Variants in SERGEF observed in about 807,000 individuals in gnomAD.
SERGEF encodes the protein secretion-regulating guanine nucleotide exchange factor.
In SERGEF, 51 loss-of-function variants were observed where a neutral mutation model predicts 50.0. The observed-to-expected ratio is 1.02, with a 90% CI of 0.81 to 1.29. The LOEUF (loss-of-function observed/expected upper bound fraction) is 1.29. Ranked by LOEUF, SERGEF falls within the 50% of genes most tolerant of loss-of-function variation. SERGEF has a pLI of 0.00. For synonymous variants in SERGEF, 205 were observed against 212.4 expected (o/e 0.97, Z 0.30); for missense variants, 521 against 557.0 (o/e 0.94, Z 0.65).
At chr11:18,012,644 T>G in intron 1 of SERGEF, 1 of 1,180,288 alleles carries the variant, frequency 8.5e-7, no homozygotes, top group South Asian at 1.7e-5. Flanking sequence ...CCAGGCGCTA[T>G]TCGGGCTGGA....
At chr11:17,911,434 T>C (rs1391285323) in intron 9 of SERGEF, among the ~76,000 whole-genome samples, 1 of 150,246 alleles carries the variant, frequency 6.7e-6, no homozygotes, top group Non-Finnish European at 1.5e-5. Flanking sequence ...GTGTGTAATT[T>C]GATAAGTTTT....
intron 2 of SERGEF, 58 bp from the exon 3 acceptor site, chr11:18,006,804 T>C (rs571400906): frequency 1.9e-6 from 3 of 1,569,302 alleles, no homozygotes; most frequent in East Asian, 4.5e-5. Context: ...AACTGCAAAA[T>C]GAACAAAAAG....
chr11:17,827,010 C>T (rs201854628), intron 10 of SERGEF, among the ~76,000 whole-genome samples: 39 of 152,284 alleles, frequency 2.6e-4, no homozygotes, highest in East Asian at 1.3e-3. Context: ...TTCTATACCA[C>T]GCCGCCTCTC....
chr11:17,929,092 C>T (rs145864110), intron 9 of SERGEF, among the ~76,000 whole-genome samples: 2 of 152,110 alleles, frequency 1.3e-5, no homozygotes, highest in East Asian at 1.9e-4. Context: ...TTTGGACCAC[C>T]CACTTTTGTG....
At chr11:17,976,943 G>A (rs1197396845) in intron 8 of SERGEF, among the ~76,000 whole-genome samples, 1 of 152,198 alleles carries the variant, frequency 6.6e-6, no homozygotes, top group African/African-American at 2.4e-5. Flanking sequence ...GTCTTAAAAC[G>A]CTGGGGCATC....
intron 9 of SERGEF, among the ~76,000 whole-genome samples, chr11:17,937,101 T>TA (rs1462011085): frequency 6.6e-6 from 1 of 151,812 alleles, no homozygotes; most frequent in Non-Finnish European, 1.5e-5. Context: ...AAATGTTAAA[T>TA]AGTTACTTTA....
At chr11:17,951,231 A>T (rs1590214713) in intron 9 of SERGEF, among the ~76,000 whole-genome samples, 1 of 152,228 alleles carries the variant, frequency 6.6e-6, no homozygotes, top group Admixed American at 6.5e-5. Context: ...AACCTAAAAA[A>T]CAACTTTTTT....
chr11:17,847,945 A>C (rs965288995), intron 10 of SERGEF, among the ~76,000 whole-genome samples: 1 of 152,226 alleles, frequency 6.6e-6, no homozygotes, highest in African/African-American at 2.4e-5. Flanking sequence ...TCACCTTGTT[A>C]AAGTAAATGA....
At chr11:17,965,959 G>T (rs148350842) in intron 8 of SERGEF, among the ~76,000 whole-genome samples, 7 of 152,290 alleles carry the variant, frequency 4.6e-5, no homozygotes, top group Non-Finnish European at 8.8e-5. Flanking sequence ...ATACTAACTA[G>T]TGAATGGCCA....
At chr11:17,914,101 C>T (rs1239654428) in intron 9 of SERGEF, among the ~76,000 whole-genome samples, 1 of 152,218 alleles carries the variant, frequency 6.6e-6, no homozygotes, top group Non-Finnish European at 1.5e-5. Flanking sequence ...CTTTAGGCTA[C>T]AGCCAAAATG....
At chr11:17,935,762 T>C (rs1852439223) in intron 9 of SERGEF, among the ~76,000 whole-genome samples, 1 of 152,192 alleles carries the variant, frequency 6.6e-6, no homozygotes, top group East Asian at 1.9e-4. Flanking sequence ...AACTGAGACA[T>C]CAAGAAACAA....
intron 5 of SERGEF, 93 bp downstream of exon 5, chr11:18,000,404 G>T: frequency 1.2e-6 from 1 of 803,512 alleles, no homozygotes; most frequent in South Asian, 1.8e-5. Flanking sequence ...AGCTATGATC[G>T]AGCCACTGCA....
chr11:17,939,169 G>C (rs948161510), intron 9 of SERGEF, among the ~76,000 whole-genome samples: 1 of 152,174 alleles, frequency 6.6e-6, no homozygotes, highest in African/African-American at 2.4e-5. Context: ...TTAGAAAGTG[G>C]AGCAGGAGTA....
chr11:17,864,622 G>A (rs1850988471), intron 10 of SERGEF, among the ~76,000 whole-genome samples: 8 of 152,190 alleles, frequency 5.3e-5, no homozygotes, highest in Admixed American at 5.2e-4. Context: ...AGGTGTGGTA[G>A]TGGCAACGAA....
chr11:17,816,584 A>G (rs1190850721), intron 10 of SERGEF, among the ~76,000 whole-genome samples: 1 of 152,238 alleles, frequency 6.6e-6, no homozygotes, highest in African/African-American at 2.4e-5. Flanking sequence ...TTAAGGTCAC[A>G]TAAAAAATAC....
rs1458576882 is a variant in SERGEF, at chr11:17,878,237, CAA to C, written c.1017_1018del (p.Cys340TrpfsTer5). On this transcript the variant is annotated frameshift_variant, in exon 10 of 11. Coordinates refer to ENST00000265965, the MANE Select transcript of SERGEF (RefSeq NM_012139.4). LOFTEE classifies it low-confidence loss of function (END_TRUNC). Reference sequence around the variant, plus strand: ...TATTGCCAAATTATGCTCTGAGCCACAAGAGACCTGTAAAAAAAAAAAAAGAC... The same window carrying C: ...TATTGCCAAATTATGCTCTGAGCCACGAGACCTGTAAAAAAAAAAAAAGAC... 2.6e-6 allele frequency: 4 copies of C among 1,556,658 alleles called. No homozygotes were observed. Among genetic ancestry groups the C allele is most frequent in the Non-Finnish European group, 3.5e-6 (4 of 1,142,730 alleles).
intron 9 of SERGEF, among the ~76,000 whole-genome samples, chr11:17,908,117 C>T (rs1350788954): frequency 1.3e-5 from 2 of 152,182 alleles, no homozygotes; most frequent in Non-Finnish European, 2.9e-5. Context: ...TTTCACCCTG[C>T]CATCACAGTG....
At chr11:17,837,231 C>T (rs1396443383) in intron 10 of SERGEF, among the ~76,000 whole-genome samples, 2 of 152,116 alleles carry the variant, frequency 1.3e-5, no homozygotes, top group Admixed American at 6.5e-5. Flanking sequence ...TTGAGTACTA[C>T]AGCACTTACT....
chr11:17,903,410 G>A (rs1311623965), intron 9 of SERGEF, among the ~76,000 whole-genome samples: 4 of 152,148 alleles, frequency 2.6e-5, no homozygotes, highest in African/African-American at 9.7e-5. Flanking sequence ...AATCTTCAAG[G>A]CAATAAAAAT....
Sources: gnomAD v4.1 joint callset for allele counts (sites outside exome capture counted in the v4.1 genomes callset) on GRCh38, gnomAD v4.1.1 for gene constraint, MANE v1.5 for transcripts, NCBI Gene and HGNC (gene_info 2026-07-23, HGNC 2026-07-21) for gene names.